ZNF69: variants seen among roughly 807,000 people sequenced by gnomAD.
ZNF69 encodes the protein zinc finger protein 69, also known as ZNF3.
Under a neutral mutation model 50.9 loss-of-function variants are expected in ZNF69, and 47 were observed. That is an observed-to-expected ratio of 0.92 (90% CI 0.73 to 1.18). The LOEUF (loss-of-function observed/expected upper bound fraction) is 1.18. ZNF69 is among the 50% of genes most tolerant of loss of function. The probability of loss-of-function intolerance (pLI) is 0.00; values close to 1 mark genes in which losing one functional copy is unlikely to be tolerated. For synonymous variants in ZNF69, 216 were observed against 223.1 expected (o/e 0.97, Z 0.29); for missense variants, 717 against 675.1 (o/e 1.06, Z -0.69).
chr19:11,949,135 T>C, the ZNF69 span: 1 of 1,612,338 alleles, frequency 6.2e-7, no homozygotes, highest in Non-Finnish European at 8.5e-7. Flanking sequence ...TGGGAAAGGC[T>C]TTTATTCTGC....
chr19:11,898,834 A>G (rs1199250415), intron 1 of ZNF69, among the ~76,000 whole-genome samples: 1 of 152,208 alleles, frequency 6.6e-6, no homozygotes, highest in Non-Finnish European at 1.5e-5. Context: ...ACCCTGTTTC[A>G]AAGAAAATAA....
At chr19:11,963,540 G>A in the ZNF69 span, among the ~76,000 whole-genome samples, 2 of 152,204 alleles carry the variant, frequency 1.3e-5, no homozygotes. Flanking sequence ...TGAGCTTGCC[G>A]GTGACTCTCT....
intron 1 of ZNF69, among the ~76,000 whole-genome samples, chr19:11,889,162 A>G (rs1312111417): frequency 6.6e-6 from 1 of 152,138 alleles, no homozygotes; most frequent in African/African-American, 2.4e-5. Flanking sequence ...ATCCCAGCCA[A>G]AAAACAGACC....
At chr19:11,947,063 G>C in the ZNF69 span, 1 of 1,457,536 alleles carries the variant, frequency 6.9e-7, no homozygotes, top group African/African-American at 1.4e-5. Flanking sequence ...TCTGATAACC[G>C]AAGCAGGGAA....
At chr19:11,895,787 T>C (rs1238031316) in intron 1 of ZNF69, among the ~76,000 whole-genome samples, 1 of 152,196 alleles carries the variant, frequency 6.6e-6, no homozygotes, top group Non-Finnish European at 1.5e-5. Flanking sequence ...TTAATTAAAT[T>C]ATTGTATGTG....
At chr19:11,923,537 A>G in the ZNF69 span, among the ~76,000 whole-genome samples, 3 of 151,826 alleles carry the variant, frequency 2.0e-5, no homozygotes, top group Admixed American at 2.0e-4. Flanking sequence ...AGCTCCCTCC[A>G]CCTATCCACA....
chr19:11,903,510 G>C (rs1972291859), intron 1 of ZNF69, 63 bp from the exon 2 acceptor site: 1 of 1,596,540 alleles, frequency 6.3e-7, no homozygotes, highest in East Asian at 2.2e-5. Context: ...CTTGAGAATA[G>C]AGTCTAGGCC....
At chr19:11,893,971 C>A (rs8102458) in intron 1 of ZNF69, among the ~76,000 whole-genome samples, 2,468 of 152,208 alleles carry the variant, frequency 0.016, 59 homozygotes, top group African/African-American at 0.056. Flanking sequence ...AGACAAGGAA[C>A]AGCCACTCCA....
chr19:11,904,495 A>G (rs1270804692), intron 3 of ZNF69, among the ~76,000 whole-genome samples, 154 bp from the exon 4 acceptor site: 2 of 152,236 alleles, frequency 1.3e-5, no homozygotes, highest in Non-Finnish European at 2.9e-5. Context: ...GTCACCTTGT[A>G]CAATGGGTTG....
At chr19:11,972,329 A>C in the ZNF69 span, among the ~76,000 whole-genome samples, 1 of 152,260 alleles carries the variant, frequency 6.6e-6, no homozygotes, top group African/African-American at 2.4e-5. Flanking sequence ...GAAAAAAATG[A>C]GTTTCAATAG....
the ZNF69 span, chr19:11,947,440 A>G: frequency 1.9e-6 from 3 of 1,601,080 alleles, no homozygotes; most frequent in South Asian, 1.1e-5. Flanking sequence ...GCAGTAAATC[A>G]TGGGCACAGA....
the ZNF69 span, chr19:11,925,198 T>C: frequency 3.1e-6 from 5 of 1,611,902 alleles, no homozygotes; most frequent in Non-Finnish European, 3.4e-6. Flanking sequence ...TCTGTCGCTC[T>C]GTCGCCTGCG....
intron 1 of ZNF69, among the ~76,000 whole-genome samples, chr19:11,898,976 A>G (rs1312870049): frequency 6.6e-6 from 1 of 152,224 alleles, no homozygotes; most frequent in Non-Finnish European, 1.5e-5. Flanking sequence ...CATCTTTTAC[A>G]TTAGGCTTCA....
chr19:11,905,338 C>T lies in ZNF69; in HGVS notation c.941C>T (p.Thr314Met), dbSNP rs766748904. The T allele has an allele frequency of 5.2e-5, 84 of 1,613,868 alleles. No individual in the cohort carries two copies. The highest frequency in any genetic ancestry group is 1.6e-4 in the Middle Eastern group (1 of 6,084). Residue 314 changes from threonine to methionine, a missense_variant, in exon 4 of 4, where the codon ACG (threonine) becomes ATG (methionine). Thr to Met is a moderately conservative substitution (Grantham distance 81). Coordinates refer to ENST00000429654, the MANE Select transcript of ZNF69 (RefSeq NM_001364730.1). The part of the protein sequence containing the change: ...YQCKECGKAF[T>M]CPQYVRIHER... ...TGTAAGGAATGTGGAAAAGCATTCA[C>T]GTGTCCCCAGTATGTTCGTATACAT... is the stretch of plus-strand genomic sequence containing the variant.
the ZNF69 span, among the ~76,000 whole-genome samples, chr19:11,936,748 C>G: frequency 2.0e-4 from 30 of 152,136 alleles, no homozygotes; most frequent in African/African-American, 7.0e-4. Flanking sequence ...GTGTTTTAGT[C>G]ATGAAGTCCT....
At chr19:11,914,889 A>T (rs531660566), downstream of ZNF69, among the ~76,000 whole-genome samples, 7 of 152,144 alleles carry the variant, frequency 4.6e-5, no homozygotes, top group African/African-American at 1.7e-4. Context: ...ACACAAAGTG[A>T]CTCAGAGCAG....
the ZNF69 span, among the ~76,000 whole-genome samples, chr19:11,976,664 CAAGACCA>C: frequency 6.6e-6 from 1 of 151,184 alleles, no homozygotes; most frequent in Non-Finnish European, 1.5e-5. Flanking sequence ...ATCAGGAGGT[CAAGACCA>C]GCCTGACCAA....
At chr19:11,978,214 AG>A in the ZNF69 span, 1 of 1,613,822 alleles carries the variant, frequency 6.2e-7, no homozygotes, top group South Asian at 1.1e-5. Flanking sequence ...TTCCAGGAGA[AG>A]AAAGCTTCTC....
At chr19:11,915,120 C>T (rs938148086), downstream of ZNF69, among the ~76,000 whole-genome samples, 1 of 152,128 alleles carries the variant, frequency 6.6e-6, no homozygotes, top group Non-Finnish European at 1.5e-5. Context: ...AGGAGAATGG[C>T]TTGAGCCTGG....
Sources: allele counts gnomAD v4.1 joint callset (sites outside exome capture counted in the v4.1 genomes callset), GRCh38; gene constraint gnomAD v4.1.1; transcripts MANE v1.5; gene names NCBI Gene and HGNC (gene_info 2026-07-23, HGNC 2026-07-21).